The following SPIN1 variants were observed in gnomAD, a reference collection of about 807,000 sequenced individuals.
SPIN1 encodes spindlin-1.
In SPIN1, 3 loss-of-function variants were observed where a neutral mutation model predicts 26.0. The ratio of observed to expected loss-of-function variants is 0.12; its 90% CI spans 0.05 to 0.30. The LOEUF is 0.30. SPIN1 is among the 10% of genes least tolerant of loss of function. SPIN1 has a pLI of 1.00. For missense variants in SPIN1, 126 were observed against 333.4 expected (o/e 0.38, Z 4.84); for synonymous variants, 101 against 116.5 (o/e 0.87, Z 0.86).
At chr9:88,396,277 C>A (rs538187441) in intron 1 of SPIN1, among the ~76,000 whole-genome samples, 37 of 151,428 alleles carry the variant, frequency 2.4e-4, no homozygotes, top group Non-Finnish European at 5.0e-4. Flanking sequence ...GCAGATCTGA[C>A]CATGTCAGCT....
intron 3 of SPIN1, chr9:88,457,994 A>AT (rs1203824136): frequency 1.2e-5 from 12 of 984,798 alleles, no homozygotes; most frequent in African/African-American, 3.5e-5. Context: ...TTTACTAAGG[A>AT]TTTTTTCTTG....
intron 5 of SPIN1, among the ~76,000 whole-genome samples, chr9:88,474,572 C>G (rs1455422502): frequency 6.6e-6 from 1 of 152,110 alleles, no homozygotes; most frequent in African/African-American, 2.4e-5. Flanking sequence ...AGAGTAAAAC[C>G]AATGGTACTT....
At chr9:88,436,193 C>A (rs760496455) in intron 2 of SPIN1, among the ~76,000 whole-genome samples, 24 of 152,140 alleles carry the variant, frequency 1.6e-4, no homozygotes, top group Non-Finnish European at 2.9e-4. Context: ...CCTCAGCCAC[C>A]CGAGTAGCTG....
chr9:88,394,041 G>GT (rs1486572252), intron 1 of SPIN1, among the ~76,000 whole-genome samples: 2 of 152,012 alleles, frequency 1.3e-5, no homozygotes, highest in Admixed American at 6.6e-5. Flanking sequence ...TAGAGATGGG[G>GT]TTTTACCTTG....
intron 1 of SPIN1, among the ~76,000 whole-genome samples, chr9:88,403,947 A>G (rs1303209788): frequency 6.6e-6 from 1 of 152,198 alleles, no homozygotes; most frequent in African/African-American, 2.4e-5. Flanking sequence ...GGTGAGCATT[A>G]TAGAGCATAC....
intron 5 of SPIN1, among the ~76,000 whole-genome samples, chr9:88,472,482 G>A (rs116495322): frequency 7.2e-5 from 11 of 151,804 alleles, no homozygotes; most frequent in East Asian, 1.9e-4. Context: ...GAGCCGCCGC[G>A]CCTGGCCACT....
chr9:88,442,408 T>C (rs1157228586), intron 2 of SPIN1, among the ~76,000 whole-genome samples: 1 of 142,788 alleles, frequency 7.0e-6, no homozygotes, highest in Admixed American at 6.9e-5. Context: ...TTCTTTTTCT[T>C]TCCTTTTTTT....
intron 1 of SPIN1, among the ~76,000 whole-genome samples, chr9:88,417,021 C>T (rs780962428): frequency 3.3e-5 from 5 of 152,174 alleles, no homozygotes; most frequent in Non-Finnish European, 7.3e-5. Context: ...ACATTTTGCT[C>T]TACTGTTTTT....
At chr9:88,398,116 G>A (rs547433883) in intron 1 of SPIN1, among the ~76,000 whole-genome samples, 7 of 151,524 alleles carry the variant, frequency 4.6e-5, no homozygotes, top group Non-Finnish European at 8.8e-5. Flanking sequence ...TAGTAGAGAC[G>A]GGATTTTGCC....
At chr9:88,412,276 T>C (rs1827467575) in intron 1 of SPIN1, among the ~76,000 whole-genome samples, 1 of 152,230 alleles carries the variant, frequency 6.6e-6, no homozygotes, top group African/African-American at 2.4e-5. Context: ...CAAGCTCCTC[T>C]AATATCCTTC....
chr9:88,396,426 AC>A (rs1262785113), intron 1 of SPIN1, among the ~76,000 whole-genome samples: 3 of 151,162 alleles, frequency 2.0e-5, no homozygotes, highest in African/African-American at 7.3e-5. Context: ...ACATGGTGAA[AC>A]CCCGTCTCTA....
chr9:88,462,411 A>T, intron 3 of SPIN1, 85 bp from the exon 4 acceptor site: 2 of 1,526,458 alleles, frequency 1.3e-6, no homozygotes, highest in African/African-American at 1.4e-5. Flanking sequence ...ATCTGTAATG[A>T]GATCATGCTA....
chr9:88,442,754 C>G (rs1025293008), intron 2 of SPIN1, among the ~76,000 whole-genome samples: 1 of 151,390 alleles, frequency 6.6e-6, no homozygotes, highest in Non-Finnish European at 1.5e-5. Flanking sequence ...TAGTTTTTTT[C>G]TGGCATTTAT....
At position 88,450,204 on chromosome 9, in the gene SPIN1, CTG is replaced by C. The variant is rs1286556821; in HGVS notation, c.101+1219_101+1220del. Among the ~76,000 whole-genome samples the C allele has an allele frequency of 2.0e-5, 3 of 152,278 alleles. No individual in the cohort carries two copies. In the East Asian group the frequency reaches 5.8e-4, roughly 29 times the overall value. ...TCATGTCATTACTGTAAATGGTAAG[CTG>C]TGTCTTGCCACAAATAAAACATAAC... On this transcript the variant is annotated intron_variant, in intron 3 of 5. Transcript: ENST00000375859.
intron 2 of SPIN1, among the ~76,000 whole-genome samples, chr9:88,445,418 G>T (rs1449028848): frequency 6.6e-6 from 1 of 151,924 alleles, no homozygotes; most frequent in African/African-American, 2.4e-5. Flanking sequence ...GAAGTGGGTA[G>T]AGTGGTTCTT....
intron 2 of SPIN1, among the ~76,000 whole-genome samples, chr9:88,440,984 T>C (rs749933598): frequency 6.6e-6 from 1 of 151,600 alleles, no homozygotes; most frequent in Non-Finnish European, 1.5e-5. Flanking sequence ...ATATATTGCT[T>C]TAGGGGTAGT....
At chr9:88,395,358 C>CACACTGCTCCGCCGTTT (rs1827031660) in intron 1 of SPIN1, among the ~76,000 whole-genome samples, 1 of 151,774 alleles carries the variant, frequency 6.6e-6, no homozygotes, top group Admixed American at 6.6e-5. Context: ...CTCTGCCGTT[C>CACACTGCTCCGCCGTTT]TATGCACACT....
intron 1 of SPIN1, among the ~76,000 whole-genome samples, chr9:88,413,691 G>C (rs562523508): frequency 6.6e-6 from 1 of 152,078 alleles, no homozygotes; most frequent in Non-Finnish European, 1.5e-5. Flanking sequence ...CCACTGTGCC[G>C]GGCCAAAATT....
intron 5 of SPIN1, among the ~76,000 whole-genome samples, chr9:88,472,271 C>A (rs984499474): frequency 3.9e-5 from 6 of 152,142 alleles, no homozygotes; most frequent in Non-Finnish European, 5.9e-5. Flanking sequence ...GTTAACAAGA[C>A]TTTATAAGTC....
Sources: allele counts gnomAD v4.1 joint callset (sites outside exome capture counted in the v4.1 genomes callset), GRCh38; gene constraint gnomAD v4.1.1; transcripts MANE v1.5; gene names NCBI Gene and HGNC (gene_info 2026-07-23, HGNC 2026-07-21).